Variants in PDE11A observed in about 807,000 individuals in gnomAD.
PDE11A encodes phosphodiesterase 11A.
PDE11A carries 100 observed loss-of-function variants against 100.5 expected under a neutral mutation model. The observed-to-expected ratio is 1.00, with a 90% confidence interval of 0.85 to 1.18. The LOEUF (loss-of-function observed/expected upper bound fraction) is 1.18, where lower values mean the gene tolerates loss of function less well. Ranked by LOEUF, PDE11A falls within the 50% of genes most tolerant of loss-of-function variation. The pLI is 0.00. For missense variants in PDE11A, 1,141 were observed against 1,152.6 expected, an observed-to-expected ratio of 0.99 and a Z score of 0.15; for synonymous variants, 381 against 420.8, an observed-to-expected ratio of 0.91 and a Z score of 1.16.
intron 12 of PDE11A, among the ~76,000 whole-genome samples, chr2:177,722,824 C>T (rs62183005): frequency 0.071 from 10,744 of 152,072 alleles, 501 homozygotes; most frequent in Middle Eastern, 0.15. Flanking sequence ...TACAATAATG[C>T]TGCCATTTAT....
chr2:177,677,668 G>A (rs2080799058), intron 16 of PDE11A, among the ~76,000 whole-genome samples: 1 of 152,154 alleles, frequency 6.6e-6, no homozygotes, highest in Non-Finnish European at 1.5e-5. Flanking sequence ...CTAAAACAAG[G>A]AAGGGAGAGT....
At chr2:177,657,508 A>G (rs1173304686) in intron 19 of PDE11A, among the ~76,000 whole-genome samples, 1 of 152,246 alleles carries the variant, frequency 6.6e-6, no homozygotes, top group African/African-American at 2.4e-5. Flanking sequence ...AACCTGGCTA[A>G]GTTAGATCTT....
At chr2:178,088,493 G>A (rs2087385301) in intron 2 of PDE11A, among the ~76,000 whole-genome samples, 1 of 152,110 alleles carries the variant, frequency 6.6e-6, no homozygotes, top group African/African-American at 2.4e-5. Context: ...AAGAATGCAG[G>A]ATCTAACAAT....
At position 178,072,164 on chromosome 2, in the gene PDE11A, C is replaced by G; in HGVS notation, c.274G>C (p.Asp92His). The change falls in exon 1 of 20, where the codon GAC (aspartate) becomes CAC (histidine). Residue 92 changes from aspartate to histidine, a missense_variant. By Grantham distance (81) the Asp-to-His change is moderately conservative. Transcript: ENST00000286063. ...AHSQPLPGGG[D>H]CGGVPLSPSW... ...GGACTCAAGGGAACCCCACCACAGT[C>G]CCCGCCACCGGGAAGGGGCTGGCTG... is the stretch of plus-strand genomic sequence containing the variant. 6.2e-7 allele frequency: 1 copy of G among 1,613,928 alleles called. No individual in the cohort carries two copies. Among genetic ancestry groups the G allele is most frequent in the African/African-American group, 1.3e-5 (1 of 75,056 alleles).
rs767097865 is a variant in PDE11A at position 178,104,506 on chromosome 2, A to C, written c.-13-30T>G. 13 of 1,572,742 alleles carry C rather than the reference A, an allele frequency of 8.3e-6. No individual in the cohort carries two copies. In the African/African-American group the frequency reaches 1.1e-4, roughly 13 times the overall value. The stretch of plus-strand genomic sequence containing the variant: ...AATGGAACATTAAAACCACAAACCA[A>C]AAAAATATATATATTAGATTTTCAA... On this transcript the variant is annotated intron_variant, in intron 1 of 20. Transcript: ENST00000358450.
chr2:177,744,278 T>A (rs371725442), intron 10 of PDE11A, among the ~76,000 whole-genome samples: 2 of 151,796 alleles, frequency 1.3e-5, no homozygotes, highest in East Asian at 3.9e-4. Context: ...CTGAAGTCTG[T>A]CTGTGATAAT....
intron 10 of PDE11A, among the ~76,000 whole-genome samples, chr2:177,749,770 G>A (rs1274324062): frequency 1.3e-5 from 2 of 151,942 alleles, no homozygotes; most frequent in African/African-American, 4.8e-5. Flanking sequence ...AATTTCTAAG[G>A]CCCTTGGCAT....
At chr2:178,103,800 T>C (rs1206850926) in intron 2 of PDE11A, among the ~76,000 whole-genome samples, 2 of 152,076 alleles carry the variant, frequency 1.3e-5, no homozygotes, top group African/African-American at 2.4e-5. Context: ...AATCTCCATA[T>C]GATTAATCCA....
chr2:177,990,173 T>A (rs1442901431), intron 2 of PDE11A, among the ~76,000 whole-genome samples: 1 of 152,184 alleles, frequency 6.6e-6, no homozygotes, highest in East Asian at 1.9e-4. Context: ...ATTAACCTAG[T>A]ACAAGCTACA....
intron 5 of PDE11A, among the ~76,000 whole-genome samples, chr2:177,848,416 C>T (rs1195881155): frequency 6.6e-6 from 1 of 152,166 alleles, no homozygotes; most frequent in Non-Finnish European, 1.5e-5. Context: ...GTAGACCTCC[C>T]TAAGCTCGAT....
intron 5 of PDE11A, among the ~76,000 whole-genome samples, chr2:177,854,116 T>C (rs2083786113): frequency 6.6e-6 from 1 of 151,884 alleles, no homozygotes; most frequent in African/African-American, 2.4e-5. Flanking sequence ...GTTTACTGCA[T>C]AGTATTAATC....
intron 4 of PDE11A, among the ~76,000 whole-genome samples, chr2:177,887,985 C>T (rs2084468709): frequency 6.6e-6 from 1 of 151,908 alleles, no homozygotes. Flanking sequence ...ATCCCCAGAA[C>T]CACCTCCTGG....
At chr2:178,026,056 A>G (rs1263465893) in intron 1 of PDE11A, among the ~76,000 whole-genome samples, 1 of 152,184 alleles carries the variant, frequency 6.6e-6, no homozygotes, top group East Asian at 1.9e-4. Flanking sequence ...GGTCAGAAGA[A>G]CAGATCTAAC....
At chr2:178,002,924 G>A (rs974260755) in intron 2 of PDE11A, among the ~76,000 whole-genome samples, 9 of 152,020 alleles carry the variant, frequency 5.9e-5, no homozygotes, top group South Asian at 2.1e-4. Context: ...TAAAACAAAC[G>A]TTCCACCAAT....
intron 2 of PDE11A, among the ~76,000 whole-genome samples, chr2:177,967,516 T>C (rs2085714361): frequency 6.6e-6 from 1 of 152,044 alleles, no homozygotes; most frequent in Admixed American, 6.6e-5. Context: ...TCACTTTTGA[T>C]TGTGTTTATA....
chr2:177,762,830 G>C (rs934130872), intron 10 of PDE11A, among the ~76,000 whole-genome samples: 1 of 152,148 alleles, frequency 6.6e-6, no homozygotes, highest in Non-Finnish European at 1.5e-5. Context: ...TGTGAGGGGA[G>C]GTCAGGGTCA....
chr2:178,013,763 C>A (rs777876915), intron 2 of PDE11A, among the ~76,000 whole-genome samples: 4 of 152,102 alleles, frequency 2.6e-5, no homozygotes, highest in Admixed American at 6.6e-5. Flanking sequence ...CTTAAAATTT[C>A]AGAGCAAAAA....
intron 10 of PDE11A, among the ~76,000 whole-genome samples, chr2:177,764,097 T>C (rs1482729744): frequency 6.6e-6 from 1 of 152,240 alleles, no homozygotes; most frequent in Non-Finnish European, 1.5e-5. Context: ...CACATCCTAT[T>C]GCTCAGTCTG....
intron 9 of PDE11A, among the ~76,000 whole-genome samples, chr2:177,795,953 A>G (rs947353391): frequency 8.5e-6 from 1 of 117,942 alleles, no homozygotes; most frequent in African/African-American, 4.4e-5. Context: ...ATATATATAT[A>G]TATATATATA....
Sources: gnomAD v4.1 joint callset for allele counts (sites outside exome capture counted in the v4.1 genomes callset) on GRCh38, gnomAD v4.1.1 for gene constraint, MANE v1.5 for transcripts, NCBI Gene and HGNC (gene_info 2026-07-23, HGNC 2026-07-21) for gene names.